CTNNA3: variants seen among roughly 807,000 people sequenced by gnomAD.
The protein encoded by CTNNA3 is catenin alpha-3.
CTNNA3 carries 76 observed loss-of-function variants against 95.7 expected under a neutral mutation model. The ratio of observed to expected loss-of-function variants is 0.79; its 90% CI spans 0.66 to 0.96. The LOEUF is 0.96. Ranked by LOEUF, CTNNA3 falls within the 40% of genes least tolerant of loss-of-function variation. The pLI is 0.00. For missense variants in CTNNA3, 1,191 were observed against 1,089.8 expected (o/e 1.09, Z -1.31); for synonymous variants, 431 against 374.4 (o/e 1.15, Z -1.74).
At chr10:66,074,696 A>G (rs1309343141) in intron 14 of CTNNA3, among the ~76,000 whole-genome samples, 3 of 151,866 alleles carry the variant, frequency 2.0e-5, no homozygotes, top group African/African-American at 7.2e-5. Flanking sequence ...CTAGATGTTC[A>G]TATTGTTCTC....
chr10:66,782,320 G>C (rs957908451), intron 7 of CTNNA3, among the ~76,000 whole-genome samples: 1 of 152,118 alleles, frequency 6.6e-6, no homozygotes, highest in Non-Finnish European at 1.5e-5. Context: ...TCACACTTGG[G>C]TTTCTTGAAC....
intron 3 of CTNNA3, among the ~76,000 whole-genome samples, chr10:67,557,919 G>C (rs1232090824): frequency 2.6e-5 from 4 of 152,160 alleles, no homozygotes; most frequent in Non-Finnish European, 5.9e-5. Flanking sequence ...AAGAACAAAT[G>C]CTTCTGCCAC....
At chr10:67,239,598 G>T (rs1044388492) in intron 5 of CTNNA3, among the ~76,000 whole-genome samples, 1 of 152,076 alleles carries the variant, frequency 6.6e-6, no homozygotes, top group African/African-American at 2.4e-5. Context: ...AAAATTCATT[G>T]AACTGTTTAT....
At chr10:67,055,193 T>C (rs1443081573) in intron 7 of CTNNA3, among the ~76,000 whole-genome samples, 1 of 152,170 alleles carries the variant, frequency 6.6e-6, no homozygotes, top group Non-Finnish European at 1.5e-5. Context: ...ATCTCAACTT[T>C]CCACATAAAA....
Position 66,812,021 on chromosome 10 carries a change from C to G in CTNNA3, c.1048-36497G>C, listed in dbSNP as rs73316583. Among the ~76,000 whole-genome samples, 1,022 of 152,228 alleles carry G rather than the reference C, an allele frequency of 6.7e-3. 11 individuals are homozygous for G. The highest frequency in any genetic ancestry group is 0.023 in the African/African-American group (951 of 41,558). On this transcript the variant is annotated intron_variant, in intron 7 of 17. Transcript: ENST00000433211. ...GAGATGAATTTACCTCTTGTAGCAG[C>G]TTTACTTTATTGAGATGATCTAGTT...
At chr10:67,467,153 G>T (rs1162829866) in intron 5 of CTNNA3, among the ~76,000 whole-genome samples, 1 of 151,852 alleles carries the variant, frequency 6.6e-6, no homozygotes, top group African/African-American at 2.4e-5. Flanking sequence ...AAAAGAAAAA[G>T]AAAATTGTTG....
intron 5 of CTNNA3, among the ~76,000 whole-genome samples, chr10:67,422,434 G>A (rs146470468): frequency 2.4e-4 from 36 of 152,254 alleles, no homozygotes; most frequent in African/African-American, 7.2e-4. Flanking sequence ...AGTAAAATGT[G>A]TATGGGTAAA....
At chr10:66,221,009 C>T (rs2088899028) in intron 13 of CTNNA3, among the ~76,000 whole-genome samples, 2 of 152,160 alleles carry the variant, frequency 1.3e-5, no homozygotes, top group Non-Finnish European at 2.9e-5. Flanking sequence ...AGGGATCGCC[C>T]GCTTCTACCC....
chr10:66,567,688 T>G (rs1204515818), intron 10 of CTNNA3, among the ~76,000 whole-genome samples: 1 of 152,134 alleles, frequency 6.6e-6, no homozygotes, highest in African/African-American at 2.4e-5. Context: ...GCGAAGGGCT[T>G]CACTAAAAAC....
intron 1 of CTNNA3, among the ~76,000 whole-genome samples, chr10:67,678,382 G>T (rs556310498): frequency 3.3e-5 from 5 of 152,244 alleles, no homozygotes; most frequent in African/African-American, 1.2e-4. Flanking sequence ...AAAAGAAAAA[G>T]ACAATGAAGT....
chr10:66,329,176 C>T (rs2092295009), intron 12 of CTNNA3, among the ~76,000 whole-genome samples: 1 of 151,426 alleles, frequency 6.6e-6, no homozygotes, highest in African/African-American at 2.4e-5. Flanking sequence ...GTATCGAACC[C>T]CTGACCTCAG....
chr10:67,306,862 T>C (rs1371868766), intron 5 of CTNNA3, among the ~76,000 whole-genome samples: 3 of 152,162 alleles, frequency 2.0e-5, no homozygotes, highest in African/African-American at 7.2e-5. Flanking sequence ...CCTTCACATA[T>C]CTGGCTTTCC....
chr10:67,069,907 A>T (rs964474066), intron 7 of CTNNA3, among the ~76,000 whole-genome samples: 7 of 152,328 alleles, frequency 4.6e-5, no homozygotes, highest in African/African-American at 1.7e-4. Flanking sequence ...ACATGTGTAC[A>T]TATTTCTCCT....
chr10:67,648,998 C>T (rs139421027), intron 1 of CTNNA3, among the ~76,000 whole-genome samples: 8 of 152,324 alleles, frequency 5.3e-5, no homozygotes, highest in African/African-American at 1.2e-4. Context: ...GACAGATAGC[C>T]TATTCCTGTG....
At chr10:66,415,578 C>T (rs2093139723) in intron 11 of CTNNA3, among the ~76,000 whole-genome samples, 2 of 152,066 alleles carry the variant, frequency 1.3e-5, no homozygotes, top group Admixed American at 6.5e-5. Context: ...ACCTGTATGA[C>T]ATTATGGGGC....
intron 7 of CTNNA3, among the ~76,000 whole-genome samples, chr10:66,959,007 C>A (rs546463275): frequency 2.0e-4 from 30 of 152,274 alleles, no homozygotes; most frequent in Non-Finnish European, 4.1e-4. Context: ...CACAGCCTTT[C>A]TACAGACCCT....
At chr10:66,087,866 G>T (rs186716080) in intron 14 of CTNNA3, among the ~76,000 whole-genome samples, 3 of 152,150 alleles carry the variant, frequency 2.0e-5, no homozygotes, top group Non-Finnish European at 2.9e-5. Context: ...GGAAATGAAA[G>T]AATATTTAGC....
chr10:67,086,239 C>A (rs193259784), intron 7 of CTNNA3, among the ~76,000 whole-genome samples: 1 of 151,954 alleles, frequency 6.6e-6, no homozygotes, highest in Admixed American at 6.6e-5. Context: ...TAAAATGAAA[C>A]TCATCTGAAG....
chr10:67,334,988 TC>T (rs1224058538), intron 5 of CTNNA3: 1 of 151,990 alleles, frequency 6.6e-6, no homozygotes, highest in East Asian at 1.9e-4. Context: ...ATATTGAAAA[TC>T]ACTTAACTTC....
Sources: allele counts gnomAD v4.1 joint callset (sites outside exome capture counted in the v4.1 genomes callset), GRCh38; gene constraint gnomAD v4.1.1; transcripts MANE v1.5; gene names NCBI Gene and HGNC (gene_info 2026-07-23, HGNC 2026-07-21).